The following PLD5 variants were observed in gnomAD, a reference collection of about 807,000 sequenced individuals.
PLD5 encodes phospholipase D family member 5.
PLD5 carries 36 observed loss-of-function variants against 61.1 expected under a neutral mutation model. The ratio of observed to expected loss-of-function variants is 0.59; its 90% confidence interval spans 0.45 to 0.78. The LOEUF is 0.78. Among genes scored for constraint, PLD5 ranks in the 30% least tolerant of loss-of-function variants. The pLI, the probability that PLD5 is intolerant of heterozygous loss-of-function variation, is 0.00. For missense variants in PLD5, 515 were observed against 644.4 expected (o/e 0.80, Z 2.17); for synonymous variants, 243 against 242.8 (o/e 1.00, Z -0.01).
intron 5 of PLD5, among the ~76,000 whole-genome samples, chr1:242,185,584 T>C (rs1667820616): frequency 6.6e-6 from 1 of 152,172 alleles, no homozygotes; most frequent in South Asian, 2.1e-4. Context: ...AAGCCTTGCC[T>C]GGGGTAGAGA....
intron 1 of PLD5, among the ~76,000 whole-genome samples, chr1:242,512,417 A>G (rs935541434): frequency 8.0e-5 from 5 of 62,578 alleles, no homozygotes; most frequent in Non-Finnish European, 2.0e-4. Flanking sequence ...CTCCATCTCA[A>G]AAAAAAAAAA....
At chr1:242,522,976 C>T (rs1669326690) in intron 1 of PLD5, among the ~76,000 whole-genome samples, 1 of 152,154 alleles carries the variant, frequency 6.6e-6, no homozygotes. Flanking sequence ...TAGAGAAATG[C>T]CCCTTCTTCG....
intron 1 of PLD5, among the ~76,000 whole-genome samples, chr1:242,412,331 G>A (rs1035279343): frequency 1.3e-5 from 2 of 152,138 alleles, no homozygotes; most frequent in African/African-American, 2.4e-5. Flanking sequence ...TCAGTTGGGG[G>A]CTTAGAATTT....
intron 1 of PLD5, among the ~76,000 whole-genome samples, chr1:242,354,089 T>G (rs1193633988): frequency 6.6e-6 from 1 of 151,822 alleles, no homozygotes; most frequent in Non-Finnish European, 1.5e-5. Context: ...CAAAACAAGA[T>G]CTGGTCCAGA....
chr1:242,170,811 T>C (rs990422890), intron 5 of PLD5, among the ~76,000 whole-genome samples: 6 of 151,624 alleles, frequency 4.0e-5, no homozygotes, highest in African/African-American at 9.7e-5. Flanking sequence ...ATATGAGAGA[T>C]TAAAGATCAA....
intron 2 of PLD5, among the ~76,000 whole-genome samples, chr1:242,325,434 G>A (rs1218840516): frequency 5.9e-5 from 8 of 136,222 alleles, no homozygotes; most frequent in Non-Finnish European, 9.5e-5. Context: ...GAAAGGGGTG[G>A]GGGGGAGAGA....
At chr1:242,449,216 T>G in intron 1 of PLD5, 1 of 1,064,562 alleles carries the variant, frequency 9.4e-7, no homozygotes, top group South Asian at 1.4e-5. Flanking sequence ...CCTGCCCTTC[T>G]CATAAAAAAA....
At chr1:242,135,969 T>A (rs1166320502) in intron 5 of PLD5, among the ~76,000 whole-genome samples, 1 of 151,972 alleles carries the variant, frequency 6.6e-6, no homozygotes, top group East Asian at 1.9e-4. Flanking sequence ...GCTCTCCTTC[T>A]TTAGAGCAGC....
At chr1:242,489,841 G>A (rs767506128) in intron 1 of PLD5, among the ~76,000 whole-genome samples, 9 of 152,162 alleles carry the variant, frequency 5.9e-5, no homozygotes, top group Non-Finnish European at 1.2e-4. Context: ...ATCATTTCCC[G>A]CAGAAGGAAC....
At chr1:242,112,324 TA>T (rs1030167339) in intron 7 of PLD5, among the ~76,000 whole-genome samples, 1,507 of 81,506 alleles carry the variant, frequency 0.018, 36 homozygotes, top group African/African-American at 0.08. Context: ...TGTGTGTGTG[TA>T]TGTATGTATA....
At chr1:242,142,953 A>G (rs1409288080) in intron 5 of PLD5, among the ~76,000 whole-genome samples, 2 of 151,068 alleles carry the variant, frequency 1.3e-5, no homozygotes, top group Non-Finnish European at 2.9e-5. Flanking sequence ...CCTGACCTCA[A>G]GTGATCTGCC....
At chr1:242,378,545 C>A (rs1662098271) in intron 1 of PLD5, among the ~76,000 whole-genome samples, 1 of 152,004 alleles carries the variant, frequency 6.6e-6, no homozygotes, top group South Asian at 2.1e-4. Flanking sequence ...CAATAAAAAA[C>A]AATTAAAAAA....
intron 5 of PLD5, among the ~76,000 whole-genome samples, chr1:242,157,553 A>G (rs111994214): frequency 2.6e-5 from 4 of 152,096 alleles, no homozygotes; most frequent in African/African-American, 9.6e-5. Context: ...TGGACATGCT[A>G]TTCCTTTCTG....
intron 1 of PLD5, among the ~76,000 whole-genome samples, chr1:242,482,609 A>C (rs1428570773): frequency 6.6e-6 from 1 of 152,234 alleles, no homozygotes; most frequent in African/African-American, 2.4e-5. Flanking sequence ...AATGGGGAGA[A>C]TGGAACCAAG....
chr1:242,362,312 G>A (rs1350976248), intron 1 of PLD5, among the ~76,000 whole-genome samples: 1 of 152,082 alleles, frequency 6.6e-6, no homozygotes, highest in Non-Finnish European at 1.5e-5. Flanking sequence ...GACAGTCTGG[G>A]TATTTAATTT....
intron 3 of PLD5, among the ~76,000 whole-genome samples, chr1:242,276,760 T>A (rs1338084600): frequency 2.6e-5 from 4 of 151,954 alleles, no homozygotes; most frequent in South Asian, 2.1e-4. Flanking sequence ...ACAAGGAATA[T>A]CTGCTTGAAA....
chr1:242,129,181 TTA>T (rs1461261292), intron 5 of PLD5, among the ~76,000 whole-genome samples: 1 of 152,156 alleles, frequency 6.6e-6, no homozygotes, highest in Non-Finnish European at 1.5e-5. Context: ...AAACAAAGAT[TTA>T]GTGTTCCATT....
chr1:242,285,428 G>A (rs535063747), intron 3 of PLD5, among the ~76,000 whole-genome samples: 1 of 152,290 alleles, frequency 6.6e-6, no homozygotes, highest in Admixed American at 6.5e-5. Flanking sequence ...AACCCGGGAA[G>A]TAGAGGTTGC....
At chr1:242,329,828 A>T (rs1260039324) in intron 2 of PLD5, among the ~76,000 whole-genome samples, 1 of 152,094 alleles carries the variant, frequency 6.6e-6, no homozygotes. Flanking sequence ...TCCCTACTGA[A>T]ACCCTATGAA....
Sources: allele counts gnomAD v4.1 joint callset (sites outside exome capture counted in the v4.1 genomes callset), GRCh38; gene constraint gnomAD v4.1.1; transcripts MANE v1.5; gene names NCBI Gene and HGNC (gene_info 2026-07-23, HGNC 2026-07-21).